The following CDK14 variants were observed in gnomAD, a reference collection of about 807,000 sequenced individuals.
CDK14 encodes the protein cyclin-dependent kinase 14.
CDK14 carries 34 observed loss-of-function variants against 60.7 expected under a neutral mutation model. The ratio of observed to expected loss-of-function variants is 0.56; its 90% CI spans 0.43 to 0.75. The LOEUF is 0.75. CDK14 is among the 30% of genes least tolerant of loss of function. CDK14 has a pLI of 0.00. For synonymous variants in CDK14, 197 were observed against 203.7 expected, an observed-to-expected ratio of 0.97 and a Z score of 0.28; for missense variants, 482 against 564.1, an observed-to-expected ratio of 0.85 and a Z score of 1.47.
intron 10 of CDK14, among the ~76,000 whole-genome samples, chr7:91,040,909 T>G (rs959681443): frequency 1.3e-5 from 2 of 152,276 alleles, no homozygotes; most frequent in Non-Finnish European, 2.9e-5. Flanking sequence ...TAAATATTTC[T>G]GACAAACACT....
In CDK14 at chr7:91,005,977, C is replaced by T. The variant is rs576102396; in HGVS notation, c.1041+21736C>T. ...AGATCTGACTCGGTTCATAAAGACA[C>T]CCAGTCTTGTCCTGGTCCCACCCTA... On this transcript the variant is annotated intron_variant, in intron 10 of 14. Coordinates refer to ENST00000380050, the MANE Select transcript of CDK14 (RefSeq NM_001287135.2). 2.0e-5 allele frequency among the ~76,000 whole-genome samples: 3 copies of T among 152,312 alleles called. No homozygotes were observed. The South Asian group carries it at 6.2e-4, about 32-fold the overall frequency.
At chr7:91,102,506 A>G (rs116847809) in intron 12 of CDK14, among the ~76,000 whole-genome samples, 2,076 of 152,174 alleles carry the variant, frequency 0.014, 24 homozygotes, top group Non-Finnish European at 0.021. Context: ...TCCAGTGGAG[A>G]GTTTTATAGA....
At chr7:90,934,095 A>C (rs1456107956) in intron 8 of CDK14, among the ~76,000 whole-genome samples, 3 of 152,214 alleles carry the variant, frequency 2.0e-5, no homozygotes. Flanking sequence ...TCCAAGCTCC[A>C]ACCTTCATCA....
intron 12 of CDK14, among the ~76,000 whole-genome samples, chr7:91,099,865 T>G (rs965178347): frequency 4.6e-5 from 7 of 152,126 alleles, no homozygotes; most frequent in Non-Finnish European, 8.8e-5. Flanking sequence ...TACATGTCTT[T>G]GGGTTTGAGG....
chr7:90,968,967 C>T (rs1794839521), intron 9 of CDK14, among the ~76,000 whole-genome samples: 1 of 152,138 alleles, frequency 6.6e-6, no homozygotes, highest in South Asian at 2.1e-4. Flanking sequence ...GACCTGGTTC[C>T]TGCCCTCGAG....
chr7:90,809,074 T>G (rs1409983230), intron 5 of CDK14, among the ~76,000 whole-genome samples: 1 of 151,940 alleles, frequency 6.6e-6, no homozygotes, highest in Admixed American at 6.6e-5. Flanking sequence ...AGACAGAAAG[T>G]TAACGAGGAT....
chr7:90,884,260 A>G (rs1791870508), intron 6 of CDK14, among the ~76,000 whole-genome samples: 1 of 152,224 alleles, frequency 6.6e-6, no homozygotes, highest in Non-Finnish European at 1.5e-5. Context: ...ATCAATGTCC[A>G]AAAATCACAA....
chr7:91,056,041 C>T (rs998030735), intron 11 of CDK14, among the ~76,000 whole-genome samples: 3 of 152,154 alleles, frequency 2.0e-5, no homozygotes, highest in African/African-American at 7.2e-5. Context: ...TCACCCTGAA[C>T]TTTTAGGTCC....
At chr7:90,880,369 G>T (rs1393178617) in intron 6 of CDK14, among the ~76,000 whole-genome samples, 1 of 152,184 alleles carries the variant, frequency 6.6e-6, no homozygotes, top group Non-Finnish European at 1.5e-5. Context: ...CTTCCTCAGT[G>T]GATGGGGCTT....
intron 5 of CDK14, among the ~76,000 whole-genome samples, chr7:90,813,520 G>A (rs1407742368): frequency 1.3e-5 from 2 of 152,164 alleles, no homozygotes; most frequent in East Asian, 1.9e-4. Flanking sequence ...GGCTGAAGTG[G>A]GTGGATCACC....
At chr7:91,021,770 C>G (rs1355256758) in intron 10 of CDK14, among the ~76,000 whole-genome samples, 1 of 152,112 alleles carries the variant, frequency 6.6e-6, no homozygotes, top group Non-Finnish European at 1.5e-5. Context: ...GTAAATATTT[C>G]TTTGTAAGAA....
At chr7:90,732,115 T>C (rs986036089) in intron 3 of CDK14, among the ~76,000 whole-genome samples, 3 of 152,202 alleles carry the variant, frequency 2.0e-5, no homozygotes. Flanking sequence ...TTTTTGTCCT[T>C]GGTTCCGTTT....
chr7:90,835,336 T>A (rs1029096056), intron 5 of CDK14, among the ~76,000 whole-genome samples: 1 of 151,886 alleles, frequency 6.6e-6, no homozygotes, highest in African/African-American at 2.4e-5. Flanking sequence ...CAAGGGAGAA[T>A]TTTATAAGAT....
chr7:90,875,678 C>T (rs1791534060), intron 6 of CDK14, among the ~76,000 whole-genome samples: 1 of 151,886 alleles, frequency 6.6e-6, no homozygotes, highest in Admixed American at 6.6e-5. Flanking sequence ...TTTATTTTCT[C>T]CTTTCTCTAT....
chr7:90,651,338 C>T (rs983769366), intron 2 of CDK14, among the ~76,000 whole-genome samples: 1 of 151,990 alleles, frequency 6.6e-6, no homozygotes, highest in African/African-American at 2.4e-5. Flanking sequence ...GTGTGCCCCA[C>T]CCCCCATTCC....
At chr7:90,637,442 G>A (rs1395463625) in intron 2 of CDK14, among the ~76,000 whole-genome samples, 1 of 152,056 alleles carries the variant, frequency 6.6e-6, no homozygotes, top group East Asian at 1.9e-4. Context: ...TAGTTGAGCG[G>A]TTTTGAGTGA....
intron 12 of CDK14, among the ~76,000 whole-genome samples, chr7:91,095,546 T>C (rs2116291410): frequency 6.6e-6 from 1 of 152,314 alleles, no homozygotes; most frequent in South Asian, 2.1e-4. Context: ...ATTATTTTAT[T>C]GTAGTTTAAA....
intron 2 of CDK14, among the ~76,000 whole-genome samples, chr7:90,645,617 A>C (rs1333987809): frequency 6.6e-6 from 1 of 152,010 alleles, no homozygotes; most frequent in Non-Finnish European, 1.5e-5. Flanking sequence ...TAGAGATGAG[A>C]TCTCACTCTG....
chr7:90,811,413 T>C (rs1789106348), intron 5 of CDK14, among the ~76,000 whole-genome samples: 1 of 152,194 alleles, frequency 6.6e-6, no homozygotes, highest in East Asian at 1.9e-4. Flanking sequence ...TGGCTAGCCA[T>C]ATGCAGAAAG....
Sources: allele counts gnomAD v4.1 joint callset (sites outside exome capture counted in the v4.1 genomes callset), GRCh38; gene constraint gnomAD v4.1.1; transcripts MANE v1.5; gene names NCBI Gene and HGNC (gene_info 2026-07-23, HGNC 2026-07-21).